Variants in ENTPD1 observed in about 807,000 individuals in gnomAD.
The protein encoded by ENTPD1 is ATP diphosphohydrolase.
In ENTPD1, 33 loss-of-function variants were observed where a neutral mutation model predicts 57.0. The ratio of observed to expected loss-of-function variants is 0.58; its 90% CI spans 0.44 to 0.77. The LOEUF (loss-of-function observed/expected upper bound fraction) is 0.77, where lower values mean the gene tolerates loss of function less well. Ranked by LOEUF, ENTPD1 falls within the 30% of genes least tolerant of loss-of-function variation. The probability of loss-of-function intolerance (pLI) is 0.00; values close to 1 mark genes in which losing one functional copy is unlikely to be tolerated. For missense variants in ENTPD1, 501 were observed against 603.4 expected (o/e 0.83, Z 1.78); for synonymous variants, 202 against 218.8 (o/e 0.92, Z 0.68).
chr10:95,825,333 G>A (rs998251618), intron 2 of ENTPD1, among the ~76,000 whole-genome samples: 1 of 152,172 alleles, frequency 6.6e-6, no homozygotes, highest in African/African-American at 2.4e-5. Flanking sequence ...TGAATAGGGT[G>A]TATGATAAAA....
At chr10:95,846,653 A>G (rs1268194346) in intron 6 of ENTPD1, among the ~76,000 whole-genome samples, 2 of 152,130 alleles carry the variant, frequency 1.3e-5, no homozygotes, top group Admixed American at 1.3e-4. Context: ...TCTTATCCAC[A>G]GCAGCCTCCT....
At chr10:95,811,474 C>T (rs2098307152) in intron 1 of ENTPD1, among the ~76,000 whole-genome samples, 3 of 152,184 alleles carry the variant, frequency 2.0e-5, no homozygotes, top group Admixed American at 2.0e-4. Flanking sequence ...GCCTTTAGAA[C>T]TCTCGAGCTC....
At chr10:95,843,448 C>T (rs2098426642) in intron 4 of ENTPD1, 1 of 152,240 alleles carries the variant, frequency 6.6e-6, no homozygotes, top group Non-Finnish European at 1.5e-5. Flanking sequence ...CTACGCTAAG[C>T]ACTTAATTGC....
At chr10:95,722,208 C>T (rs1049182767) in intron 1 of ENTPD1, among the ~76,000 whole-genome samples, 9 of 151,616 alleles carry the variant, frequency 5.9e-5, no homozygotes, top group Admixed American at 4.6e-4. Context: ...CAAGAGTCTC[C>T]CTATCAATTA....
intron 7 of ENTPD1, among the ~76,000 whole-genome samples, chr10:95,856,216 C>T (rs947143041): frequency 1.3e-5 from 2 of 152,126 alleles, no homozygotes; most frequent in Non-Finnish European, 2.9e-5. Context: ...AGAAGATATA[C>T]AAATGGCCAA....
At chr10:95,788,836 T>C (rs1262336236) in intron 1 of ENTPD1, among the ~76,000 whole-genome samples, 2 of 152,200 alleles carry the variant, frequency 1.3e-5, no homozygotes, top group Non-Finnish European at 2.9e-5. Context: ...CTATGGTAAC[T>C]ATGGCTTTTA....
In ENTPD1 at chr10:95,731,247, C is replaced by T. The variant is rs150052077; in HGVS notation, c.37+19254C>T. 1.3e-4 allele frequency among the ~76,000 whole-genome samples: 20 copies of T among 152,290 alleles called. No homozygotes were observed. In the East Asian group the frequency reaches 2.1e-3, roughly 16 times the overall value. ...CACCCTGCTCTGGGTCCTGAGAGAC[C>T]GGCCAGAGTGAACTGCATCAGGGGG... On this transcript the variant is annotated intron_variant, in intron 1 of 9. Coordinates refer to the ENTPD1 transcript ENST00000453258.
chr10:95,709,743 G>A (rs1481780634), upstream of ENTPD1, among the ~76,000 whole-genome samples: 1 of 146,354 alleles, frequency 6.8e-6, no homozygotes, highest in Non-Finnish European at 1.5e-5. Flanking sequence ...CCAAGATGCA[G>A]TGTTTTTTGT....
chr10:95,768,382 C>T (rs904393939), intron 1 of ENTPD1, among the ~76,000 whole-genome samples: 3 of 152,008 alleles, frequency 2.0e-5, no homozygotes, highest in Non-Finnish European at 4.4e-5. Flanking sequence ...TTTTTTTCTT[C>T]TTCAGGGACC....
intron 1 of ENTPD1, among the ~76,000 whole-genome samples, chr10:95,774,507 A>G (rs886323509): frequency 1.3e-5 from 2 of 152,186 alleles, no homozygotes; most frequent in Non-Finnish European, 2.9e-5. Flanking sequence ...TAATTTTTGT[A>G]TAAGGTGTAA....
chr10:95,730,330 C>T (rs1308750456), intron 1 of ENTPD1, among the ~76,000 whole-genome samples: 1 of 152,034 alleles, frequency 6.6e-6, no homozygotes, highest in Non-Finnish European at 1.5e-5. Context: ...GCTGGGATTA[C>T]AGGTGTGAGC....
chr10:95,694,640 G>T, the ENTPD1 span, among the ~76,000 whole-genome samples: 2 of 149,824 alleles, frequency 1.3e-5, no homozygotes, highest in Non-Finnish European at 3.0e-5. Flanking sequence ...TGTCTAGGAG[G>T]TGAGAAAATA....
chr10:95,767,184 T>A (rs1229374908), intron 1 of ENTPD1, among the ~76,000 whole-genome samples: 2 of 150,874 alleles, frequency 1.3e-5, no homozygotes, highest in Non-Finnish European at 3.0e-5. Flanking sequence ...GGCGTGGTGG[T>A]GGGCGCCTAT....
intron 2 of ENTPD1, among the ~76,000 whole-genome samples, chr10:95,825,548 T>C (rs1028323344): frequency 3.3e-5 from 5 of 152,114 alleles, no homozygotes; most frequent in Non-Finnish European, 5.9e-5. Flanking sequence ...TTTGTTTGTT[T>C]GTTTGTTTTT....
intron 9 of ENTPD1, 68 bp downstream of exon 9, chr10:95,864,929 G>T (rs907807269): frequency 2.9e-5 from 45 of 1,566,134 alleles, no homozygotes; most frequent in Non-Finnish European, 3.6e-5. Context: ...GCAGTTTGGG[G>T]CTTGAAAAAG....
At position 95,734,998 on chromosome 10, in the gene ENTPD1, G is replaced by A. The variant is rs2097993064; in HGVS notation, c.37+23005G>A. Among the ~76,000 whole-genome samples, 3 of 150,332 alleles carry A rather than the reference G, an allele frequency of 2.0e-5. No individual in the cohort carries two copies. The South Asian group carries it at 6.4e-4, about 32-fold the overall frequency. On this transcript the variant is annotated intron_variant, in intron 1 of 9. Coordinates refer to the ENTPD1 transcript ENST00000453258. ...TTTCTACATTGAATCTGTATTTCCTGGATTCCAAAGCACTTGATGAAAATA... is the reference window on the plus strand; with the variant it reads ...TTTCTACATTGAATCTGTATTTCCTAGATTCCAAAGCACTTGATGAAAATA...
rs992488042 is a variant in ENTPD1, at chr10:95,870,098, A to T, written c.*3715A>T. ...ATTATATATGACATTATTCCTAAAA[A>T]AGCTTTTGAGATCCTAGGTTGTATT... On this transcript the variant is annotated 3_prime_UTR_variant, in exon 10 of 10. Transcript: ENST00000371205. The T allele has an allele frequency of 1.9e-5, 19 of 985,302 alleles. No homozygotes were observed. The highest frequency in any genetic ancestry group is 5.2e-4 in the Middle Eastern group (1 of 1,936). The allele number at this position is 985,302 out of a possible 1,614,324, so 61.0% of individuals were successfully genotyped here.
the ENTPD1 span, among the ~76,000 whole-genome samples, chr10:95,701,803 AG>A: frequency 6.6e-6 from 1 of 152,138 alleles, no homozygotes; most frequent in Non-Finnish European, 1.5e-5. Flanking sequence ...TTGGAAATTA[AG>A]GGAAAAAATC....
At chr10:95,784,777 G>GT (rs1318799541) in intron 1 of ENTPD1, among the ~76,000 whole-genome samples, 1 of 152,150 alleles carries the variant, frequency 6.6e-6, no homozygotes. Flanking sequence ...GGCTGGGGTA[G>GT]TGGCAAGATA....
Sources: gnomAD v4.1 joint callset for allele counts (sites outside exome capture counted in the v4.1 genomes callset) on GRCh38, gnomAD v4.1.1 for gene constraint, MANE v1.5 for transcripts, NCBI Gene and HGNC (gene_info 2026-07-23, HGNC 2026-07-21) for gene names.